The following LDB3 variants were observed in gnomAD, a reference collection of about 807,000 sequenced individuals.
LDB3 encodes LIM domain binding 3.
In LDB3, 49 loss-of-function variants were observed where a neutral mutation model predicts 69.0. The observed-to-expected ratio is 0.71, with a 90% CI of 0.56 to 0.90. The LOEUF (loss-of-function observed/expected upper bound fraction) is 0.90, where lower values mean the gene tolerates loss of function less well. LDB3 is among the 40% of genes least tolerant of loss of function. The probability of loss-of-function intolerance (pLI) is 0.00; values close to 1 mark genes in which losing one functional copy is unlikely to be tolerated. For missense variants in LDB3, 928 were observed against 974.1 expected, an observed-to-expected ratio of 0.95 and a Z score of 0.63; for synonymous variants, 387 against 396.2, an observed-to-expected ratio of 0.98 and a Z score of 0.28.
chr10:86,672,528 G>A (rs1288889688), intron 2 of LDB3, among the ~76,000 whole-genome samples: 1 of 152,230 alleles, frequency 6.6e-6, no homozygotes, highest in Non-Finnish European at 1.5e-5. Context: ...TGTTTCTTGG[G>A]CAGCTCTTAG....
intron 5 of LDB3, among the ~76,000 whole-genome samples, chr10:86,687,836 T>C (rs1845570566): frequency 6.6e-6 from 1 of 152,242 alleles, no homozygotes; most frequent in African/African-American, 2.4e-5. Context: ...ACATCCTTGG[T>C]TCCTGGAATT....
chr10:86,725,827 G>A lies in LDB3; in HGVS notation c.1979-310G>A, dbSNP rs114139889. Reference sequence around the variant, plus strand: ...TTGTTTTCTCTTTGGGGCTTGATCCGTTTGGTCTATTAGAGGTGACAGAAG... The same window carrying A: ...TTGTTTTCTCTTTGGGGCTTGATCCATTTGGTCTATTAGAGGTGACAGAAG... On this transcript the variant is annotated intron_variant, in intron 12 of 13. Transcript: ENST00000361373. Among the ~76,000 whole-genome samples the A allele has an allele frequency of 5.6e-3, 850 of 152,292 alleles. 11 individuals carry two copies. The highest frequency in any genetic ancestry group is 0.019 in the African/African-American group (800 of 41,566).
chr10:86,728,586 G>GTTTTTTTGTTT (rs1847344370), intron 13 of LDB3, among the ~76,000 whole-genome samples: 1 of 131,456 alleles, frequency 7.6e-6, no homozygotes, highest in Non-Finnish European at 1.6e-5. Flanking sequence ...TGGTTCTTTT[G>GTTTTTTTGTTT]TTTTTTTTTT....
chr10:86,678,172 C>G (rs569127171), intron 2 of LDB3, among the ~76,000 whole-genome samples: 2 of 151,816 alleles, frequency 1.3e-5, no homozygotes, highest in African/African-American at 4.8e-5. Context: ...TTCAGCCTCC[C>G]GAGTAGCTGA....
At chr10:86,717,912 A>C in intron 10 of LDB3, 52 bp from the exon 11 acceptor site, 1 of 1,561,392 alleles carries the variant, frequency 6.4e-7, no homozygotes, top group Non-Finnish European at 8.8e-7. Flanking sequence ...TCAAATATCT[A>C]ATTCCAAGTT....
chr10:86,703,365 G>A (rs542088625), intron 7 of LDB3, among the ~76,000 whole-genome samples: 2 of 152,322 alleles, frequency 1.3e-5, no homozygotes, highest in African/African-American at 2.4e-5. Context: ...TCACATCACC[G>A]GCATGGCTTC....
intron 13 of LDB3, among the ~76,000 whole-genome samples, chr10:86,728,084 C>G (rs1031779704): frequency 1.3e-5 from 2 of 152,176 alleles, no homozygotes; most frequent in Non-Finnish European, 2.9e-5. Context: ...GGTTTGTCCC[C>G]TGCAGAGTCA....
upstream of LDB3, chr10:86,668,317 C>G (rs902669452): frequency 8.4e-6 from 3 of 359,210 alleles, no homozygotes; most frequent in Non-Finnish European, 1.6e-5. Context: ...TTCTCACCAA[C>G]CAGGCCAGTT....
chr10:86,710,006 G>A lies in LDB3; in HGVS notation c.1187G>A (p.Arg396Gln), dbSNP rs770387774. ...CCCGCCGCCCCTGCACCCAAGCCCC[G>A]GGTTGTCACCACTGCCAGCATCCGG... ...EGPAAPAPKP[R>Q]VVTTASIRPS... The change falls in exon 9 of 14, where the codon CGG becomes CAG. Residue 396 changes from arginine (R) to glutamine (Q), a missense_variant. Arg to Gln is a conservative substitution (Grantham distance 43, BLOSUM62 1). Transcript: ENST00000361373. The A allele has an allele frequency of 6.8e-6, 11 of 1,613,056 alleles. No individual in the cohort carries two copies. The highest frequency in any genetic ancestry group is 1.7e-5 in the Admixed American group (1 of 60,004).
intron 7 of LDB3, among the ~76,000 whole-genome samples, chr10:86,693,202 C>T (rs1845848559): frequency 6.6e-6 from 1 of 152,130 alleles, no homozygotes; most frequent in African/African-American, 2.4e-5. Context: ...ACCACTGTGG[C>T]CCGTCAGGTG....
chr10:86,692,702 G>C (rs529496895), intron 7 of LDB3, 131 bp downstream of exon 7: 69 of 847,180 alleles, frequency 8.1e-5, no homozygotes, highest in South Asian at 6.8e-4. Context: ...CCTGCAAAGG[G>C]CTCCAGCTGA....
Position 86,716,407 on chromosome 10 carries a change from A to AC in LDB3, c.1317dup (p.Ser440LeufsTer31). ...CACCCCCTCCCCTGCCCCTGCCTAC[A>AC]CCCCCTCCCCTGCCCCTGCCTACAC... On this transcript the variant is annotated frameshift_variant, in exon 10 of 14. Coordinates refer to ENST00000361373, the MANE Select transcript of LDB3 (RefSeq NM_007078.3). LOFTEE classifies it high-confidence loss of function. The AC allele has an allele frequency of 1.1e-6, 1 of 893,852 alleles. No individual in the cohort carries two copies. The allele number at this position is 893,852 out of a possible 1,614,324, so 55.4% of individuals were successfully genotyped here.
chr10:86,726,363 G>A, intron 13 of LDB3, 111 bp downstream of exon 13: 2 of 797,884 alleles, frequency 2.5e-6, no homozygotes, highest in Non-Finnish European at 4.4e-6. Flanking sequence ...CTGACATCCT[G>A]ATCATTTTTA....
chr10:86,725,742 C>T (rs1847230497), intron 12 of LDB3, among the ~76,000 whole-genome samples: 1 of 152,174 alleles, frequency 6.6e-6, no homozygotes, highest in Non-Finnish European at 1.5e-5. Flanking sequence ...AATTCTATAA[C>T]TCTTAAATAC....
intron 2 of LDB3, among the ~76,000 whole-genome samples, chr10:86,675,748 C>T (rs553612121): frequency 2.6e-5 from 4 of 152,184 alleles, no homozygotes; most frequent in Admixed American, 6.5e-5. Context: ...TAAAGCAAAG[C>T]GAGTGAAATG....
chr10:86,678,994 C>T (rs1029985745), intron 2 of LDB3, among the ~76,000 whole-genome samples: 7 of 152,162 alleles, frequency 4.6e-5, no homozygotes, highest in Non-Finnish European at 8.8e-5. Context: ...ATGCAACGTC[C>T]AATACAGTGC....
In LDB3 at chr10:86,674,736, C is replaced by A. The variant is rs183006387; in HGVS notation, c.94-4631C>A. Among the ~76,000 whole-genome samples the A allele has an allele frequency of 5.4e-4, 83 of 152,294 alleles. 1 individual carries two copies. In the East Asian group the frequency reaches 0.016, roughly 29 times the overall value. ...AACCACAGCTCCAAGGAGTTGGGTG[C>A]TTTGGGCCCTTTCTGAAACACAGAA... On this transcript the variant is annotated intron_variant, in intron 2 of 13. Coordinates refer to ENST00000361373, the MANE Select transcript of LDB3 (RefSeq NM_007078.3).
chr10:86,716,758 A>G lies in LDB3; in HGVS notation c.1663A>G (p.Asn555Asp). 6.2e-7 allele frequency: 1 copy of G among 1,610,498 alleles called. No homozygotes were observed. The highest frequency in any genetic ancestry group is 8.5e-7 in the Non-Finnish European group (1 of 1,178,690). Residue 555 changes from asparagine to aspartate, a missense_variant, in exon 10 of 14, where the codon AAC becomes GAC. Transcript: ENST00000361373. Reference protein sequence around the residue: ...SSRTPLCGHCNNVIRGPFLVA... With the variant: ...SSRTPLCGHCDNVIRGPFLVA... ...CCGGACTCCACTCTGCGGTCACTGC[A>G]ACAATGTCATCCGGTATGGTCCAGC...
intron 9 of LDB3, among the ~76,000 whole-genome samples, chr10:86,712,166 CCA>C (rs1390430906): frequency 3.3e-5 from 5 of 151,960 alleles, no homozygotes; most frequent in African/African-American, 1.2e-4. Flanking sequence ...CCGGGCCGGG[CCA>C]CCGAGGCCGG....
Sources: gnomAD v4.1 joint callset for allele counts (sites outside exome capture counted in the v4.1 genomes callset) on GRCh38, gnomAD v4.1.1 for gene constraint, MANE v1.5 for transcripts, NCBI Gene and HGNC (gene_info 2026-07-23, HGNC 2026-07-21) for gene names.